RNF4: variants seen among roughly 807,000 people sequenced by gnomAD.
RNF4 encodes E3 ubiquitin-protein ligase RNF4.
RNF4 carries 7 observed loss-of-function variants against 24.3 expected under a neutral mutation model. The ratio of observed to expected loss-of-function variants is 0.29; its 90% CI spans 0.16 to 0.54. The LOEUF (loss-of-function observed/expected upper bound fraction) is 0.54, where lower values mean the gene tolerates loss of function less well. RNF4 is among the 20% of genes least tolerant of loss of function. RNF4 has a pLI of 0.95. For missense variants in RNF4, 209 were observed against 248.5 expected, an observed-to-expected ratio of 0.84 and a Z score of 1.07; for synonymous variants, 83 against 84.3, an observed-to-expected ratio of 0.98 and a Z score of 0.09.
intron 1 of RNF4, among the ~76,000 whole-genome samples, chr4:2,479,093 T>A (rs1279606236): frequency 1.3e-5 from 2 of 152,334 alleles, no homozygotes; most frequent in East Asian, 3.9e-4. Flanking sequence ...GCTTTGAGAT[T>A]TGGACTGCTC....
In RNF4 at chr4:2,515,444, T is replaced by G. The variant is rs1314117897; in HGVS notation, c.*1625T>G. 1 of 152,516 alleles carries G rather than the reference T, an allele frequency of 6.6e-6. No homozygotes were observed. Among genetic ancestry groups the G allele is most frequent in the Non-Finnish European group, 1.5e-5 (1 of 68,050 alleles). 9.4% of individuals were successfully genotyped at this position (152,516 alleles called of 1,614,324 possible). On this transcript the variant is annotated 3_prime_UTR_variant, in exon 8 of 8. Transcript: ENST00000314289. ...TCATCATTGTGATGTGTAGCATGTC[T>G]GCCCTCTGACTGGACATCATTGCCA...
rs3792601 is a variant in RNF4 at position 2,497,624 on chromosome 4, T to C, written c.124+503T>C. 6.6e-5 allele frequency among the ~76,000 whole-genome samples: 10 copies of C among 152,246 alleles called. 1 individual carries two copies. The East Asian group carries it at 1.7e-3, about 26-fold the overall frequency. On this transcript the variant is annotated intron_variant, in intron 3 of 7. Coordinates refer to ENST00000314289, the MANE Select transcript of RNF4 (RefSeq NM_002938.5). ...TTTTATAACTAGGATACCTGCAAAC[T>C]GGCATTTTATTTTTACTTATTTATT...
intron 1 of RNF4, among the ~76,000 whole-genome samples, chr4:2,481,611 G>C (rs1735245701): frequency 6.6e-6 from 1 of 152,104 alleles, no homozygotes; most frequent in South Asian, 2.1e-4. Flanking sequence ...TCCTCCTCCT[G>C]CTCTCTTCTG....
Position 2,512,614 on chromosome 4 carries a change from A to G in RNF4, c.374+17A>G. 6.2e-7 allele frequency: 1 copy of G among 1,612,660 alleles called. No homozygotes were observed. Among genetic ancestry groups the G allele is most frequent in the Non-Finnish European group, 8.5e-7 (1 of 1,179,104 alleles). Reference sequence around the variant, plus strand: ...AGGCCTCAGGTACCAACGTGCCCCCAGCTCTGCTGCCGCCATGCTAGGATG... The same window carrying G: ...AGGCCTCAGGTACCAACGTGCCCCCGGCTCTGCTGCCGCCATGCTAGGATG... On this transcript the variant is annotated intron_variant, in intron 6 of 7. Transcript: ENST00000314289. This position sits in a 1 kb window ranked among gnomAD's most constrained non-coding sequence, Gnocchi z 4.1.
intron 4 of RNF4, chr4:2,505,301 T>G (rs1736045544): frequency 6.6e-6 from 1 of 151,938 alleles, no homozygotes; most frequent in Non-Finnish European, 1.5e-5. Flanking sequence ...CTCCACCACT[T>G]CTTTCAAGTT....
At chr4:2,472,502 A>G (rs1008982983) in intron 1 of RNF4, among the ~76,000 whole-genome samples, 9 of 151,842 alleles carry the variant, frequency 5.9e-5, no homozygotes, top group African/African-American at 2.2e-4. Context: ...CTGTACTCGC[A>G]GCACTTCGGG....
At chr4:2,477,475 C>T (rs753952380) in intron 1 of RNF4, among the ~76,000 whole-genome samples, 24 of 152,138 alleles carry the variant, frequency 1.6e-4, no homozygotes, top group Non-Finnish European at 2.9e-4. Context: ...GTTCCAGCTA[C>T]TTGGGAGGCT....
chr4:2,497,061 G>A lies in RNF4; in HGVS notation c.64G>A (p.Glu22Lys). 6.2e-7 allele frequency: 1 copy of A among 1,609,716 alleles called. No individual in the cohort carries two copies. Among genetic ancestry groups the A allele is most frequent in the Non-Finnish European group, 8.5e-7 (1 of 1,178,164 alleles). The part of the protein sequence containing the change: ...NSRQAQKRTR[E>K]ATSTPEISLE... ...TAGACAAGCTCAGAAGCGAACTCGG[G>A]AAGCAACCTCCACCCCCGAGATCTC... Residue 22 changes from glutamate (E) to lysine (K), a missense_variant, in exon 3 of 8, where the codon GAA (glutamate) becomes AAA (lysine). Physicochemically the swap from Glu to Lys is moderately conservative, Grantham distance 56 (BLOSUM62 1). Transcript: ENST00000314289.
chr4:2,507,218 G>GGGAA (rs1334322332), intron 4 of RNF4, among the ~76,000 whole-genome samples: 1 of 151,980 alleles, frequency 6.6e-6, no homozygotes, highest in Non-Finnish European at 1.5e-5. Flanking sequence ...GAGGGAGGGA[G>GGGAA]GGAAGGAGGG....
chr4:2,486,499 T>A (rs1735412694), intron 1 of RNF4, among the ~76,000 whole-genome samples: 1 of 152,176 alleles, frequency 6.6e-6, no homozygotes, highest in Non-Finnish European at 1.5e-5. Flanking sequence ...CTCTGACTCC[T>A]GACCCTTACT....
At chr4:2,509,697 A>G (rs1736212121) in intron 4 of RNF4, among the ~76,000 whole-genome samples, 1 of 152,164 alleles carries the variant, frequency 6.6e-6, no homozygotes, top group South Asian at 2.1e-4. Context: ...AGTGCTCAGG[A>G]CAGGCCTCAG....
At position 2,513,096 on chromosome 4, in the gene RNF4, G is replaced by T; in HGVS notation, c.388G>T (p.Val130Phe). ...GATGLRPSGTVSCPICMDGYS... is the reference protein window; with the variant it reads ...GATGLRPSGTFSCPICMDGYS... ...CTGTGCTCTTAGGCCCTCAGGTACT[G>T]TCAGTTGTCCCATCTGCATGGACGG... The change falls in exon 7 of 8, where the codon GTC becomes TTC. Residue 130 changes from valine (V) to phenylalanine (F), a missense_variant. Transcript: ENST00000314289. 1 of 1,613,950 alleles carries T rather than the reference G, an allele frequency of 6.2e-7. No individual in the cohort carries two copies. The highest frequency in any genetic ancestry group is 8.5e-7 in the Non-Finnish European group (1 of 1,179,818).
chr4:2,497,009 A>G lies in RNF4; in HGVS notation c.12A>G (p.Arg4=). Residue 4 remains arginine, a splice_region_variant and synonymous_variant, in exon 3 of 8, where the codon AGA becomes AGG. Transcript: ENST00000314289. MST[R]KRRGGAINSR... ...CTTCTTTCCCCCTTGCTACTCAGAGAAAGCGTCGTGGTGGAGCAATAAATT... is the reference window on the plus strand; with the variant it reads ...CTTCTTTCCCCCTTGCTACTCAGAGGAAGCGTCGTGGTGGAGCAATAAATT... 6.3e-7 allele frequency: 1 copy of G among 1,596,892 alleles called. No homozygotes were observed. Among genetic ancestry groups the G allele is most frequent in the Non-Finnish European group, 8.5e-7 (1 of 1,171,990 alleles).
rs1736338283 is a variant in RNF4 at position 2,513,866 on chromosome 4, A to G, written c.*47A>G. The G allele has an allele frequency of 2.5e-6, 4 of 1,610,890 alleles. No homozygotes were observed. In the South Asian group the frequency reaches 3.3e-5, roughly 13 times the overall value. On this transcript the variant is annotated 3_prime_UTR_variant, in exon 8 of 8. Coordinates refer to ENST00000314289, the MANE Select transcript of RNF4 (RefSeq NM_002938.5). ...GAGACGGATGGACAGACAGACAGCC[A>G]GGTTCTCCAGTGGTATCTGCCTCCA... is the stretch of plus-strand genomic sequence containing the variant.
intron 2 of RNF4, among the ~76,000 whole-genome samples, chr4:2,493,917 A>G (rs1337317804): frequency 2.6e-5 from 4 of 151,134 alleles, no homozygotes; most frequent in Non-Finnish European, 5.9e-5. Context: ...ATATTGGCTC[A>G]CTGCAACCTC....
intron 2 of RNF4, among the ~76,000 whole-genome samples, chr4:2,496,207 G>A (rs1735731606): frequency 6.6e-6 from 1 of 152,150 alleles, no homozygotes; most frequent in East Asian, 1.9e-4. Context: ...ATAGTGCCCT[G>A]AAAGGTTCAA....
At chr4:2,483,065 C>T (rs1409198068) in intron 1 of RNF4, among the ~76,000 whole-genome samples, 1 of 152,350 alleles carries the variant, frequency 6.6e-6, no homozygotes. Flanking sequence ...ACATGCTCTC[C>T]AGCCCTTCTG....
At chr4:2,474,482 C>G (rs1560398486) in intron 1 of RNF4, among the ~76,000 whole-genome samples, 1 of 151,822 alleles carries the variant, frequency 6.6e-6, no homozygotes, top group African/African-American at 2.4e-5. Context: ...TGTGGACAGG[C>G]AAAGAAAGTG....
At chr4:2,473,635 C>T (rs1440467405) in intron 1 of RNF4, among the ~76,000 whole-genome samples, 6 of 101,356 alleles carry the variant, frequency 5.9e-5, no homozygotes, top group African/African-American at 1.7e-4. Flanking sequence ...GATGGTGAAA[C>T]CCCGTCTCTA....
Sources: allele counts gnomAD v4.1 joint callset (sites outside exome capture counted in the v4.1 genomes callset), GRCh38; gene constraint gnomAD v4.1.1; non-coding constraint Gnocchi (gnomAD v3.1); transcripts MANE v1.5; gene names NCBI Gene and HGNC (gene_info 2026-07-23, HGNC 2026-07-21).